SIRT6: variants seen among roughly 807,000 people sequenced by gnomAD.
The protein encoded by SIRT6 is NAD-dependent protein deacylase sirtuin-6.
SIRT6 carries 21 observed loss-of-function variants against 33.6 expected under a neutral mutation model. The observed-to-expected ratio is 0.62, with a 90% CI of 0.44 to 0.90. The LOEUF (loss-of-function observed/expected upper bound fraction) is 0.90. Ranked by LOEUF, SIRT6 falls within the 40% of genes least tolerant of loss-of-function variation. The pLI is 0.00. For synonymous variants in SIRT6, 221 were observed against 223.9 expected, an observed-to-expected ratio of 0.99 and a Z score of 0.12; for missense variants, 504 against 510.6, an observed-to-expected ratio of 0.99 and a Z score of 0.12.
chr19:4,176,060 C>G, intron 4 of SIRT6, 123 bp from the exon 5 acceptor site: 1 of 741,468 alleles, frequency 1.3e-6, no homozygotes, highest in Non-Finnish European at 2.2e-6. Context: ...GAACTAGCAC[C>G]CAGCGACACG....
rs762774348 is a variant in SIRT6 at position 4,175,121 on chromosome 19, T to G, written c.645A>C (p.Thr215=). ...TCCCGCTGGGCCGGATCTGCAGCGA[T>G]GTACCCAGCGTGATGGACAGGTCGG... The part of the protein sequence containing the change: ...RNADLSITLG[T]SLQIRPSGNL... The change falls in exon 7 of 8, where the codon ACA becomes ACC. Residue 215 remains threonine, a synonymous_variant. Transcript: ENST00000337491. 1 of 1,599,588 alleles carries G rather than the reference T, an allele frequency of 6.3e-7. No individual in the cohort carries two copies. Among genetic ancestry groups the G allele is most frequent in the Non-Finnish European group, 8.5e-7 (1 of 1,174,692 alleles).
At position 4,180,572 on chromosome 19, in the gene SIRT6, G is replaced by C. The variant is rs192450312; in HGVS notation, c.194+210C>G. The C allele has an allele frequency of 1.1e-3, 524 of 491,432 alleles. 2 individuals carry two copies. The highest frequency in any genetic ancestry group is 6.8e-3 in the East Asian group (193 of 28,276). 30.4% of individuals were successfully genotyped at this position (491,432 alleles called of 1,614,324 possible). A position where few individuals can be genotyped will look rare whatever the true frequency, so the allele number is the denominator to read the frequency against. On this transcript the variant is annotated intron_variant, in intron 2 of 7. Transcript: ENST00000337491. ...ATTTTTGTATTTTTAGTAGAGACAG[G>C]GATTCACCATATTGGCCAGGCTGGT...
At position 4,175,737 on chromosome 19, in the gene SIRT6, A is replaced by G. The variant is rs1208553648; in HGVS notation, c.557T>C (p.Leu186Pro). ...GTCGGGCAGGGAGTCCTCCCAGTCT[A>G]GGATGGTGTCCCTCAGCTCTCCCCT... ...ACRGELRDTILDWEDSLPDRD... is the reference protein window; with the variant it reads ...ACRGELRDTIPDWEDSLPDRD... The change falls in exon 6 of 8, where the codon CTA (leucine) becomes CCA (proline). Residue 186 changes from leucine (L) to proline (P), a missense_variant. Coordinates refer to ENST00000337491, the MANE Select transcript of SIRT6 (RefSeq NM_016539.4). The G allele has an allele frequency of 6.3e-7, 1 of 1,586,892 alleles. No homozygotes were observed. Among genetic ancestry groups the G allele is most frequent in the South Asian group, 1.2e-5 (1 of 86,884 alleles).
chr19:4,181,372 C>T (rs931760863), intron 1 of SIRT6, among the ~76,000 whole-genome samples: 6 of 152,246 alleles, frequency 3.9e-5, no homozygotes, highest in Admixed American at 1.3e-4. Context: ...TTCCATGCAA[C>T]CCCTAGTCAG....
intron 3 of SIRT6, among the ~76,000 whole-genome samples, chr19:4,177,945 G>A (rs1368077004): frequency 6.6e-6 from 1 of 151,912 alleles, no homozygotes; most frequent in East Asian, 1.9e-4. Context: ...GGATGGTCTC[G>A]ATCTCCTGAC....
Position 4,175,902 on chromosome 19 carries a change from C to A in SIRT6, c.473G>T (p.Gly158Val). Reference protein sequence around the residue: ...YVRDTVVGTMGLKATGRLCTV... With the variant: ...YVRDTVVGTMVLKATGRLCTV... ...GCAGAGCCGGCCCGTGGCCTTCAGG[C>A]CCATGGTGCCCACGACTGTGTCTCG... Residue 158 changes from glycine to valine, a missense_variant, in exon 5 of 8, where the codon GGC (glycine) becomes GTC (valine). Transcript: ENST00000337491. The A allele has an allele frequency of 6.4e-7, 1 of 1,570,002 alleles. No homozygotes were observed. The highest frequency in any genetic ancestry group is 8.6e-7 in the Non-Finnish European group (1 of 1,157,810).
intron 6 of SIRT6, 62 bp from the exon 7 acceptor site, chr19:4,175,213 C>T (rs1967221119): frequency 1.3e-6 from 2 of 1,537,636 alleles, no homozygotes; most frequent in Non-Finnish European, 1.7e-6. Flanking sequence ...CCGAGCCAGC[C>T]CTGGGGGCCG....
rs1285790629 is a variant in SIRT6 at position 4,175,742 on chromosome 19, G to A, written c.552C>T (p.Thr184=). Residue 184 remains threonine, a synonymous_variant, in exon 6 of 8, where the codon ACC becomes ACT. Transcript: ENST00000337491. The part of the protein sequence containing the change: ...LRACRGELRD[T]ILDWEDSLPD... Reference sequence around the variant, plus strand: ...GCAGGGAGTCCTCCCAGTCTAGGATGGTGTCCCTCAGCTCTCCCCTGCAAT... The same window carrying A: ...GCAGGGAGTCCTCCCAGTCTAGGATAGTGTCCCTCAGCTCTCCCCTGCAAT... 5 of 1,585,984 alleles carry A rather than the reference G, an allele frequency of 3.2e-6. No individual in the cohort carries two copies. The highest frequency in any genetic ancestry group is 4.3e-6 in the Non-Finnish European group (5 of 1,166,204).
At position 4,178,464 on chromosome 19, in the gene SIRT6, C is replaced by T. The variant is rs115180186; in HGVS notation, c.377+640G>A. On this transcript the variant is annotated intron_variant, in intron 3 of 7. Transcript: ENST00000337491. ...CCTGGCAAAGAGGGGCAGGGGAGGG[C>T]CACACTTTTATTGGGAAATCAGCCT... Among the ~76,000 whole-genome samples, 653 of 152,252 alleles carry T rather than the reference C, an allele frequency of 4.3e-3. 4 individuals are homozygous for T. Among genetic ancestry groups the T allele is most frequent in the African/African-American group, 0.015 (603 of 41,552 alleles).
intron 4 of SIRT6, 133 bp from the exon 5 acceptor site, chr19:4,176,070 G>T (rs761481437): frequency 8.8e-6 from 6 of 680,008 alleles, no homozygotes; most frequent in South Asian, 5.5e-5. Context: ...CCAGCGACAC[G>T]GAACGAGTAG....
intron 2 of SIRT6, among the ~76,000 whole-genome samples, chr19:4,180,293 C>T (rs1202087931): frequency 6.6e-6 from 1 of 151,908 alleles, no homozygotes; most frequent in Non-Finnish European, 1.5e-5. Context: ...TGAAAGACTA[C>T]ATTTCCCAGC....
At chr19:4,175,634 TCCCGC>T in intron 6 of SIRT6, 41 bp downstream of exon 6, 1 of 1,444,598 alleles carries the variant, frequency 6.9e-7, no homozygotes, top group Non-Finnish European at 9.1e-7. Context: ...TCTGCTGTCG[TCCCGC>T]CCCGCCCCAC....
intron 6 of SIRT6, 26 bp from the exon 7 acceptor site, chr19:4,175,177 C>T (rs1967218283): frequency 1.3e-6 from 2 of 1,583,480 alleles, no homozygotes; most frequent in East Asian, 2.3e-5. Flanking sequence ...GTGGGCTGAG[C>T]CTGATGCCCT....
intron 1 of SIRT6, among the ~76,000 whole-genome samples, chr19:4,181,584 C>G (rs1967670512): frequency 1.3e-5 from 2 of 152,152 alleles, no homozygotes; most frequent in Admixed American, 1.3e-4. Context: ...ATCAAGAGTT[C>G]AAGAGCAGAC....
intron 4 of SIRT6, among the ~76,000 whole-genome samples, chr19:4,176,447 G>C (rs1207933807): frequency 6.6e-6 from 1 of 152,190 alleles, no homozygotes; most frequent in African/African-American, 2.4e-5. Flanking sequence ...ATATTAGCCA[G>C]GTGTGGTGGC....
chr19:4,182,336 G>T, intron 1 of SIRT6, 138 bp downstream of exon 1: 1 of 872,574 alleles, frequency 1.1e-6, no homozygotes, highest in Non-Finnish European at 1.7e-6. Flanking sequence ...GTCACTTCCC[G>T]CCCCTTCCTC....
intron 2 of SIRT6, 194 bp from the exon 3 acceptor site, chr19:4,179,480 A>G: frequency 1.6e-6 from 1 of 610,858 alleles, no homozygotes; most frequent in South Asian, 2.1e-5. Context: ...GGGGGATAGA[A>G]CAAGACACAG....
chr19:4,179,066 C>A (rs765776154), intron 3 of SIRT6, 38 bp downstream of exon 3: 1 of 1,604,582 alleles, frequency 6.2e-7, no homozygotes, highest in South Asian at 1.1e-5. Flanking sequence ...GTTTGTGGGG[C>A]CCCAAGCTCT....
Position 4,175,055 on chromosome 19 carries a change from G to A in SIRT6, c.711C>T (p.Val237=), listed in dbSNP as rs374642820. The A allele has an allele frequency of 1.9e-6, 3 of 1,590,148 alleles. No homozygotes were observed. The African/African-American group carries it at 4.0e-5, about 21-fold the overall frequency. Residue 237 remains valine (V), a synonymous_variant, in exon 7 of 8, where the codon GTC becomes GTT. Transcript: ENST00000337491. ...GCTTGGTGGGCTGCAGGTTGACGAT[G>A]ACCAGGCGGCCTCCCCGGCGCTTGG... ...LATKRRGGRL[V]IVNLQPTKHD...
Sources: allele counts gnomAD v4.1 joint callset (sites outside exome capture counted in the v4.1 genomes callset), GRCh38; gene constraint gnomAD v4.1.1; transcripts MANE v1.5; gene names NCBI Gene and HGNC (gene_info 2026-07-23, HGNC 2026-07-21).